DPYD: variants seen among roughly 807,000 people sequenced by gnomAD.
DPYD encodes the protein dihydropyrimidine dehydrogenase.
In DPYD, 109 loss-of-function variants were observed where a neutral mutation model predicts 116.2. That is an observed-to-expected ratio of 0.94 (90% CI 0.80 to 1.10). DPYD has a LOEUF of 1.10. DPYD is among the 50% of genes least tolerant of loss of function. DPYD has a pLI of 0.00. For missense variants in DPYD, 1,302 were observed against 1,254.5 expected (o/e 1.04, Z -0.57); for synonymous variants, 440 against 432.0 (o/e 1.02, Z -0.23).
chr1:97,848,465 T>C (rs1670414930), intron 2 of DPYD, among the ~76,000 whole-genome samples: 1 of 152,218 alleles, frequency 6.6e-6, no homozygotes, highest in Non-Finnish European at 1.5e-5. Context: ...GTGAAGTAAA[T>C]TCAGTTCATC....
chr1:97,837,091 G>C (rs1669805383), intron 2 of DPYD, among the ~76,000 whole-genome samples: 1 of 152,068 alleles, frequency 6.6e-6, no homozygotes, highest in Non-Finnish European at 1.5e-5. Context: ...TCTGGTTTTG[G>C]AGGAATAAAG....
chr1:97,817,950 T>TAAGCATTCTA (rs1668715361), intron 3 of DPYD, among the ~76,000 whole-genome samples: 1 of 152,088 alleles, frequency 6.6e-6, no homozygotes, highest in African/African-American at 2.4e-5. Flanking sequence ...TCTAAAATGA[T>TAAGCATTCTA]AAGCATTCTA....
chr1:97,131,314 T>G (rs1285767553), intron 20 of DPYD, among the ~76,000 whole-genome samples: 2 of 152,160 alleles, frequency 1.3e-5, no homozygotes, highest in Non-Finnish European at 2.9e-5. Context: ...AGTGAGGTAA[T>G]GTGTGGTATT....
chr1:97,662,077 T>C (rs957705181), intron 8 of DPYD, among the ~76,000 whole-genome samples: 1 of 145,646 alleles, frequency 6.9e-6, no homozygotes, highest in Non-Finnish European at 1.5e-5. Context: ...TCCAGCTCAC[T>C]GCAACCTCCG....
At position 97,098,591 on chromosome 1, in the gene DPYD, T is replaced by C. The variant is rs779573574; in HGVS notation, c.2664A>G (p.Lys888=). The change falls in exon 21 of 23, where the codon AAA becomes AAG. Residue 888 remains lysine (K), a synonymous_variant. Coordinates refer to ENST00000370192, the MANE Select transcript of DPYD (RefSeq NM_000110.4). ...SFGPYLEQRK[K]IIAENKIRLK... is the part of the protein sequence containing the mutation. Reference sequence around the variant, plus strand: ...GTCTAATCTTGTTTTCTGCTATGATTTTCTTGCGCTGTTCCAGATAAGGTC... The same window carrying C: ...GTCTAATCTTGTTTTCTGCTATGATCTTCTTGCGCTGTTCCAGATAAGGTC... 1.2e-6 allele frequency: 2 copies of C among 1,613,166 alleles called. No individual in the cohort carries two copies. Among genetic ancestry groups the C allele is most frequent in the Non-Finnish European group, 1.7e-6 (2 of 1,179,482 alleles).
At position 97,823,595 on chromosome 1, in the gene DPYD, GC is replaced by G. The variant is rs538139226; in HGVS notation, c.233+4518del. Among the ~76,000 whole-genome samples, 77 of 152,094 alleles carry G rather than the reference GC, an allele frequency of 5.1e-4. No homozygotes were observed. In the Middle Eastern group the frequency reaches 0.024, roughly 47 times the overall value. On this transcript the variant is annotated intron_variant, in intron 3 of 22. Coordinates refer to ENST00000370192, the MANE Select transcript of DPYD (RefSeq NM_000110.4). Reference sequence around the variant, plus strand: ...ATAAAAGTGAGATCATGCAGTGTTTGCCCTTCTGTGATTAGCTTATTTCACT... The same window carrying G: ...ATAAAAGTGAGATCATGCAGTGTTTGCCTTCTGTGATTAGCTTATTTCACT...
intron 1 of DPYD, among the ~76,000 whole-genome samples, chr1:97,903,812 C>T (rs967055892): frequency 6.6e-6 from 1 of 151,878 alleles, no homozygotes; most frequent in Non-Finnish European, 1.5e-5. Context: ...GACTGCTAGG[C>T]AAATGGCCAA....
At chr1:97,873,037 G>C (rs1234897663) in intron 2 of DPYD, among the ~76,000 whole-genome samples, 1 of 151,708 alleles carries the variant, frequency 6.6e-6, no homozygotes, top group Non-Finnish European at 1.5e-5. Context: ...GGCCAACCTT[G>C]AATTCTGAGA....
chr1:97,191,024 G>A (rs1432019290), intron 20 of DPYD, among the ~76,000 whole-genome samples: 1 of 151,616 alleles, frequency 6.6e-6, no homozygotes, highest in Non-Finnish European at 1.5e-5. Flanking sequence ...GCTAATGATA[G>A]GACAATGTGA....
intron 11 of DPYD, among the ~76,000 whole-genome samples, chr1:97,550,045 T>A (rs1038415082): frequency 1.3e-5 from 2 of 152,172 alleles, no homozygotes; most frequent in Non-Finnish European, 2.9e-5. Context: ...AGTACAACCT[T>A]TTAAATACAT....
At position 97,373,241 on chromosome 1, in the gene DPYD, G is replaced by A. The variant is rs1410732417; in HGVS notation, c.2058+320C>T. Among the ~76,000 whole-genome samples the A allele has an allele frequency of 5.3e-5, 8 of 152,116 alleles. No individual in the cohort carries two copies. The South Asian group carries it at 1.0e-3, about 20-fold the overall frequency. On this transcript the variant is annotated intron_variant, in intron 16 of 22. Transcript: ENST00000370192. ...TATATTGCTCCAGGGAAACTGGATC[G>A]GCATCAGGAATGAATAAAGAACACT... is the stretch of plus-strand genomic sequence containing the variant.
At chr1:97,435,752 A>G (rs1675438608) in intron 14 of DPYD, among the ~76,000 whole-genome samples, 1 of 151,970 alleles carries the variant, frequency 6.6e-6, no homozygotes, top group Admixed American at 6.6e-5. Context: ...CTCAGGGGGA[A>G]AATGTGAAAT....
At chr1:97,901,685 T>C (rs761089159) in intron 1 of DPYD, among the ~76,000 whole-genome samples, 5 of 151,804 alleles carry the variant, frequency 3.3e-5, no homozygotes, top group Non-Finnish European at 5.9e-5. Flanking sequence ...ACTTGAATAA[T>C]GGTGTCATCT....
chr1:97,396,773 G>C (rs181835976), intron 14 of DPYD, among the ~76,000 whole-genome samples: 7 of 151,990 alleles, frequency 4.6e-5, no homozygotes, highest in Admixed American at 2.0e-4. Flanking sequence ...TCCTCATATT[G>C]GTCCTTCTTG....
At chr1:97,376,875 G>A (rs563706654) in intron 15 of DPYD, among the ~76,000 whole-genome samples, 69 of 105,572 alleles carry the variant, frequency 6.5e-4, no homozygotes, top group Non-Finnish European at 1.2e-3. Flanking sequence ...TTGTGTGTGT[G>A]TGTGTGTGTG....
At chr1:97,467,637 G>A (rs1435114967) in intron 13 of DPYD, among the ~76,000 whole-genome samples, 5 of 152,160 alleles carry the variant, frequency 3.3e-5, no homozygotes, top group Non-Finnish European at 4.4e-5. Context: ...GGTTGTCAGT[G>A]TTTGTCCTTG....
intron 3 of DPYD, among the ~76,000 whole-genome samples, chr1:97,817,260 T>C (rs896307410): frequency 2.6e-5 from 4 of 152,078 alleles, no homozygotes; most frequent in African/African-American, 7.2e-5. Flanking sequence ...TCCTTACTTC[T>C]ACTCGATTTT....
chr1:97,315,323 T>A (rs1487849999), intron 16 of DPYD, among the ~76,000 whole-genome samples: 1 of 151,908 alleles, frequency 6.6e-6, no homozygotes, highest in African/African-American at 2.4e-5. Flanking sequence ...ATAGCAAAAC[T>A]GTAGTACAAG....
chr1:97,617,628 C>G (rs1184072246), intron 8 of DPYD, among the ~76,000 whole-genome samples: 1 of 152,098 alleles, frequency 6.6e-6, no homozygotes, highest in African/African-American at 2.4e-5. Flanking sequence ...CAGGGAGATT[C>G]TATCTCTGAG....
Sources: allele counts gnomAD v4.1 joint callset (sites outside exome capture counted in the v4.1 genomes callset), GRCh38; gene constraint gnomAD v4.1.1; transcripts MANE v1.5; gene names NCBI Gene and HGNC (gene_info 2026-07-23, HGNC 2026-07-21).